LANCL3: variants seen among roughly 807,000 people sequenced by gnomAD.
The protein encoded by LANCL3 is LanC like family member 3.
Under a neutral mutation model 26.5 loss-of-function variants are expected in LANCL3, and 19 were observed. The observed-to-expected ratio is 0.72, with a 90% CI of 0.50 to 1.05. The LOEUF (loss-of-function observed/expected upper bound fraction) is 1.05. Among genes scored for constraint, LANCL3 ranks in the 50% least tolerant of loss-of-function variants. The pLI is 0.00. For synonymous variants in LANCL3, 160 were observed against 166.6 expected (o/e 0.96, Z 0.30); for missense variants, 318 against 362.7 (o/e 0.88, Z 1.00).
chrX:37,648,550 G>A (rs1264911967), intron 1 of LANCL3, among the ~76,000 whole-genome samples: 1 of 111,782 alleles, frequency 8.9e-6, no homozygotes, highest in Non-Finnish European at 1.9e-5. Context: ...CACAGGCATG[G>A]GCAAAGACTT....
At chrX:37,655,837 T>C (rs782072635) in intron 2 of LANCL3, 26 bp downstream of exon 2, 18 of 1,185,544 alleles carry the variant, frequency 1.5e-5, no homozygotes, top group Non-Finnish European at 1.9e-5. Context: ...TGCATGGGCC[T>C]GTAGGAAGGA....
intron 3 of LANCL3, among the ~76,000 whole-genome samples, chrX:37,662,591 C>T (rs1231678153): frequency 8.9e-6 from 1 of 111,824 alleles, no homozygotes; most frequent in African/African-American, 3.3e-5. Context: ...TGAAGCTATA[C>T]GTGCCAAGTG....
intron 1 of LANCL3, among the ~76,000 whole-genome samples, chrX:37,581,714 A>C (rs1306197661): frequency 8.9e-6 from 1 of 112,139 alleles, no homozygotes; most frequent in Non-Finnish European, 1.9e-5. Context: ...AAAGCTTTAG[A>C]TACAGTCTAT....
chrX:37,580,206 A>G (rs1923859586), intron 1 of LANCL3, among the ~76,000 whole-genome samples: 2 of 111,636 alleles, frequency 1.8e-5, no homozygotes, highest in South Asian at 3.7e-4. Flanking sequence ...GCCTGATTAC[A>G]GATCTACCAG....
intron 1 of LANCL3, among the ~76,000 whole-genome samples, chrX:37,631,709 A>G (rs1165343755): frequency 2.6e-4 from 29 of 110,422 alleles, no homozygotes; most frequent in African/African-American, 9.6e-4. Context: ...TTTGTTATGT[A>G]CCCAGTAGTC....
chrX:37,668,646 C>T (rs1354250039), intron 4 of LANCL3, among the ~76,000 whole-genome samples: 1 of 111,369 alleles, frequency 9.0e-6, no homozygotes, highest in Non-Finnish European at 1.9e-5. Context: ...TCTTCTAAGC[C>T]AGAGTGTTCT....
At chrX:37,653,007 T>A (rs989082186) in intron 1 of LANCL3, among the ~76,000 whole-genome samples, 1 of 111,468 alleles carries the variant, frequency 9.0e-6, no homozygotes, top group Non-Finnish European at 1.9e-5. Context: ...TGAGGGTAGG[T>A]CTTGTCTGTT....
chrX:37,620,715 G>C (rs1925131868), intron 1 of LANCL3, among the ~76,000 whole-genome samples: 2 of 111,612 alleles, frequency 1.8e-5, no homozygotes, highest in African/African-American at 3.3e-5. Flanking sequence ...GCAGAAATGG[G>C]GACAAGACTG....
At chrX:37,606,761 C>T (rs1308937566) in intron 1 of LANCL3, among the ~76,000 whole-genome samples, 2 of 112,080 alleles carry the variant, frequency 1.8e-5, no homozygotes, top group Non-Finnish European at 3.8e-5. Context: ...GAGCCTGAAA[C>T]GAGCTCAGCT....
chrX:37,608,467 A>T, intron 1 of LANCL3, among the ~76,000 whole-genome samples: 1 of 111,605 alleles, frequency 9.0e-6, no homozygotes. Flanking sequence ...GGTCAAAGGG[A>T]TAGGAGGGAT....
intron 2 of LANCL3, among the ~76,000 whole-genome samples, chrX:37,658,530 G>A (rs955719684): frequency 5.4e-5 from 6 of 111,981 alleles, no homozygotes; most frequent in Non-Finnish European, 1.1e-4. Flanking sequence ...GCTTAGCTCA[G>A]TGAACAGGTT....
intron 1 of LANCL3, among the ~76,000 whole-genome samples, chrX:37,634,280 G>T (rs61537690): frequency 8.9e-6 from 1 of 112,660 alleles, no homozygotes; most frequent in Non-Finnish European, 1.9e-5. Flanking sequence ...TTTTAAGCCC[G>T]TTGGAAAAGC....
At chrX:37,604,876 T>A (rs1472313180) in intron 1 of LANCL3, among the ~76,000 whole-genome samples, 1 of 112,465 alleles carries the variant, frequency 8.9e-6, no homozygotes, top group Non-Finnish European at 1.9e-5. Context: ...ATAGCAAAAG[T>A]CATTGATGCA....
intron 1 of LANCL3, among the ~76,000 whole-genome samples, chrX:37,601,997 C>T (rs1366312555): frequency 1.8e-5 from 2 of 111,330 alleles, no homozygotes; most frequent in Non-Finnish European, 1.9e-5. Flanking sequence ...AAAATTTCCC[C>T]GCCTGATGTG....
At chrX:37,669,227 G>C (rs1926621007) in intron 4 of LANCL3, among the ~76,000 whole-genome samples, 1 of 111,056 alleles carries the variant, frequency 9.0e-6, no homozygotes, top group South Asian at 3.8e-4. Flanking sequence ...ATTTGAGACA[G>C]GGTCTCACTC....
At chrX:37,667,694 C>A (rs1194603851) in intron 4 of LANCL3, among the ~76,000 whole-genome samples, 1 of 111,262 alleles carries the variant, frequency 9.0e-6, no homozygotes, top group Non-Finnish European at 1.9e-5. Flanking sequence ...AAGTAAATGT[C>A]TTAATCCATT....
rs201491675 is a variant in LANCL3, at chrX:37,666,279, C to T, written c.896-1003C>T. ...CATTAGGAATGCTGAAATAAATTTG[C>T]TTAATAGATGCAAAACTGGCTTCTT... On this transcript the variant is annotated intron_variant, in intron 3 of 4. Coordinates refer to ENST00000378619, the MANE Select transcript of LANCL3 (RefSeq NM_001170331.2). 3.6e-5 allele frequency among the ~76,000 whole-genome samples: 4 copies of T among 112,121 alleles called. No homozygotes were observed. The East Asian group carries it at 1.1e-3, about 31-fold the overall frequency.
chrX:37,636,045 T>G (rs1556425316), intron 1 of LANCL3, among the ~76,000 whole-genome samples: 1 of 108,543 alleles, frequency 9.2e-6, no homozygotes, highest in African/African-American at 3.4e-5. Flanking sequence ...CACTTATAAG[T>G]GAGAATATGC....
chrX:37,634,024 C>G (rs782315384), intron 1 of LANCL3, among the ~76,000 whole-genome samples: 2 of 112,724 alleles, frequency 1.8e-5, no homozygotes, highest in African/African-American at 6.4e-5. Flanking sequence ...TGTCTGTACC[C>G]TGCCCCCAGA....
Sources: gnomAD v4.1 joint callset for allele counts (sites outside exome capture counted in the v4.1 genomes callset) on GRCh38, gnomAD v4.1.1 for gene constraint, MANE v1.5 for transcripts, NCBI Gene and HGNC (gene_info 2026-07-23, HGNC 2026-07-21) for gene names.